BBS9: variants seen among roughly 807,000 people sequenced by gnomAD.
BBS9 encodes protein PTHB1.
Under a neutral mutation model 117.7 loss-of-function variants are expected in BBS9, and 89 were observed. That is an observed-to-expected ratio of 0.76 (90% CI 0.64 to 0.90). The LOEUF (loss-of-function observed/expected upper bound fraction) is 0.90, where lower values mean the gene tolerates loss of function less well. BBS9 is among the 40% of genes least tolerant of loss of function. BBS9 has a pLI of 0.00. For synonymous variants in BBS9, 379 were observed against 370.9 expected, an observed-to-expected ratio of 1.02 and a Z score of -0.25; for missense variants, 982 against 1,042.2, an observed-to-expected ratio of 0.94 and a Z score of 0.80.
intron 19 of BBS9, among the ~76,000 whole-genome samples, chr7:33,409,047 A>C (rs951946753): frequency 2.6e-5 from 4 of 151,864 alleles, no homozygotes; most frequent in Non-Finnish European, 5.9e-5. Flanking sequence ...CCCATTTTTT[A>C]ATGAGGTTGT....
chr7:33,186,989 A>C (rs1034935520), intron 5 of BBS9, among the ~76,000 whole-genome samples: 1 of 152,172 alleles, frequency 6.6e-6, no homozygotes, highest in African/African-American at 2.4e-5. Flanking sequence ...TTGTTTTGGT[A>C]ATTTGAACTC....
chr7:33,268,640 AT>A (rs946511815), intron 7 of BBS9, among the ~76,000 whole-genome samples: 16 of 150,734 alleles, frequency 1.1e-4, no homozygotes, highest in South Asian at 6.3e-4. Context: ...AAGTGGAAGA[AT>A]TTTTTTTTTA....
At chr7:33,131,416 C>T (rs770226408) in intron 1 of BBS9, among the ~76,000 whole-genome samples, 21 of 152,130 alleles carry the variant, frequency 1.4e-4, no homozygotes, top group Middle Eastern at 3.2e-3. Context: ...TGTTATTTTG[C>T]CCTTTGAGTC....
At chr7:33,585,169 A>G (rs960397762) in intron 21 of BBS9, among the ~76,000 whole-genome samples, 1 of 152,090 alleles carries the variant, frequency 6.6e-6, no homozygotes, top group Admixed American at 6.6e-5. Flanking sequence ...ACAGTGCAAG[A>G]TGTTTTTAGA....
chr7:33,257,111 G>A (rs1797197759), intron 5 of BBS9, 125 bp from the exon 6 acceptor site: 2 of 587,418 alleles, frequency 3.4e-6, no homozygotes, highest in African/African-American at 3.9e-5. Flanking sequence ...CACACCGAAT[G>A]CTGCTTAATG....
intron 21 of BBS9, among the ~76,000 whole-genome samples, chr7:33,579,152 A>G (rs938714733): frequency 1.3e-5 from 2 of 152,190 alleles, no homozygotes; most frequent in Non-Finnish European, 2.9e-5. Flanking sequence ...CCCTAATAAA[A>G]GTGGGAAATT....
chr7:33,439,748 C>T (rs1052673946), intron 19 of BBS9, among the ~76,000 whole-genome samples: 10 of 152,116 alleles, frequency 6.6e-5, no homozygotes, highest in African/African-American at 1.7e-4. Flanking sequence ...AGGATGGTCT[C>T]GATCTCCTGA....
At chr7:33,579,553 A>T (rs959839) in intron 21 of BBS9, among the ~76,000 whole-genome samples, 1 of 152,190 alleles carries the variant, frequency 6.6e-6, no homozygotes, top group East Asian at 1.9e-4. Context: ...AACATGAAAG[A>T]AGTTTCAACA....
intron 20 of BBS9, among the ~76,000 whole-genome samples, chr7:33,512,650 A>G (rs1847129887): frequency 6.6e-6 from 1 of 152,204 alleles, no homozygotes; most frequent in Non-Finnish European, 1.5e-5. Context: ...ACCTAGTTTG[A>G]GTCTGCTAAT....
At chr7:33,474,674 G>T (rs1031721420) in intron 19 of BBS9, among the ~76,000 whole-genome samples, 10 of 152,308 alleles carry the variant, frequency 6.6e-5, no homozygotes, top group Admixed American at 6.5e-4. Flanking sequence ...CTGGCTGGGC[G>T]TGATGGCTCA....
chr7:33,172,802 C>T (rs1796794475), intron 4 of BBS9, among the ~76,000 whole-genome samples: 1 of 152,102 alleles, frequency 6.6e-6, no homozygotes, highest in Non-Finnish European at 1.5e-5. Flanking sequence ...AGATTTTAGG[C>T]CTAAATATTG....
chr7:33,145,099 G>A (rs1393859170), intron 1 of BBS9, among the ~76,000 whole-genome samples: 2 of 152,192 alleles, frequency 1.3e-5, no homozygotes, highest in Admixed American at 1.3e-4. Context: ...GTTACTAGAA[G>A]CTTGCAGGAA....
Position 33,445,954 on chromosome 7 carries a change from T to C in BBS9, c.2115+57810T>C, listed in dbSNP as rs1836928318. Among the ~76,000 whole-genome samples, 3 of 152,190 alleles carry C rather than the reference T, an allele frequency of 2.0e-5. No homozygotes were observed. In the South Asian group the frequency reaches 6.2e-4, roughly 32 times the overall value. On this transcript the variant is annotated intron_variant, in intron 19 of 22. Transcript: ENST00000242067. Reference sequence around the variant, plus strand: ...ACTGTAAGTCAGTTATACCTTTCTTTATAAATTACCCTGTCTCAAGTAGTA... The same window carrying C: ...ACTGTAAGTCAGTTATACCTTTCTTCATAAATTACCCTGTCTCAAGTAGTA...
intron 5 of BBS9, among the ~76,000 whole-genome samples, chr7:33,197,826 C>T (rs1283847445): frequency 6.6e-6 from 1 of 151,798 alleles, no homozygotes; most frequent in Non-Finnish European, 1.5e-5. Flanking sequence ...ATCTTTTTTA[C>T]TGTTATAAAA....
intron 19 of BBS9, among the ~76,000 whole-genome samples, chr7:33,421,113 G>A (rs189067596): frequency 1.7e-4 from 26 of 152,272 alleles, no homozygotes; most frequent in Admixed American, 1.6e-3. Context: ...ATTAGATAAA[G>A]CAGGTTTAAG....
At chr7:33,620,393 A>G (rs1301095186) in intron 21 of BBS9, among the ~76,000 whole-genome samples, 1 of 152,068 alleles carries the variant, frequency 6.6e-6, no homozygotes, top group Non-Finnish European at 1.5e-5. Context: ...TATTAAAAGC[A>G]ATAAATTGAG....
At chr7:33,567,191 A>T (rs529825725) in intron 21 of BBS9, among the ~76,000 whole-genome samples, 1 of 152,248 alleles carries the variant, frequency 6.6e-6, no homozygotes, top group African/African-American at 2.4e-5. Flanking sequence ...GTGCGTTTTC[A>T]TTCTATCTGA....
At chr7:33,220,741 A>G (rs1298073956) in intron 5 of BBS9, among the ~76,000 whole-genome samples, 1 of 152,216 alleles carries the variant, frequency 6.6e-6, no homozygotes, top group African/African-American at 2.4e-5. Flanking sequence ...GTTTATTCTT[A>G]TACAGACTAG....
At chr7:33,282,058 C>G (rs1231432254) in intron 9 of BBS9, among the ~76,000 whole-genome samples, 1 of 152,118 alleles carries the variant, frequency 6.6e-6, no homozygotes, top group Non-Finnish European at 1.5e-5. Context: ...AAGAGATCCT[C>G]TTTCCTTGGC....
Sources: allele counts gnomAD v4.1 joint callset (sites outside exome capture counted in the v4.1 genomes callset), GRCh38; gene constraint gnomAD v4.1.1; transcripts MANE v1.5; gene names NCBI Gene and HGNC (gene_info 2026-07-23, HGNC 2026-07-21).